SHTN1: variants seen among roughly 807,000 people sequenced by gnomAD.
SHTN1 encodes the protein shootin 1, also known as shootin-1.
Under a neutral mutation model 83.1 loss-of-function variants are expected in SHTN1, and 42 were observed. That is an observed-to-expected ratio of 0.51 (90% CI 0.39 to 0.65). The LOEUF is 0.65. SHTN1 is among the 30% of genes least tolerant of loss of function. The probability of loss-of-function intolerance (pLI) is 0.00; values close to 1 mark genes in which losing one functional copy is unlikely to be tolerated. For missense variants in SHTN1, 622 were observed against 737.8 expected (o/e 0.84, Z 1.82); for synonymous variants, 224 against 247.7 (o/e 0.90, Z 0.90).
intron 2 of SHTN1, among the ~76,000 whole-genome samples, chr10:117,041,785 G>A (rs1852587828): frequency 6.6e-6 from 1 of 152,218 alleles, no homozygotes; most frequent in South Asian, 2.1e-4. Flanking sequence ...GTATTTTAAA[G>A]ATTATACAGA....
intron 2 of SHTN1, among the ~76,000 whole-genome samples, chr10:116,975,836 T>C (rs181010583): frequency 5.9e-5 from 9 of 152,316 alleles, no homozygotes; most frequent in Non-Finnish European, 1.2e-4. Context: ...CAAACACATG[T>C]GAATGTTTTG....
At chr10:117,075,356 T>C (rs1853137136) in intron 1 of SHTN1, among the ~76,000 whole-genome samples, 1 of 152,218 alleles carries the variant, frequency 6.6e-6, no homozygotes, top group South Asian at 2.1e-4. Flanking sequence ...GCATTTGAGA[T>C]GGTAAAAGCC....
intron 2 of SHTN1, among the ~76,000 whole-genome samples, chr10:116,978,134 C>A (rs1425558166): frequency 2.0e-5 from 3 of 152,088 alleles, no homozygotes; most frequent in Non-Finnish European, 2.9e-5. Flanking sequence ...ATCTAAAAAT[C>A]CCTTATAATC....
At chr10:117,066,035 A>G (rs1239650947) in intron 1 of SHTN1, among the ~76,000 whole-genome samples, 1 of 152,000 alleles carries the variant, frequency 6.6e-6, no homozygotes, top group Non-Finnish European at 1.5e-5. Flanking sequence ...ACTGCACTCC[A>G]GCCTGGGCAA....
At position 116,884,403 on chromosome 10, in the gene SHTN1, A is replaced by G; in HGVS notation, c.*1941T>C. 2.6e-6 allele frequency: 1 copy of G among 382,394 alleles called. No homozygotes were observed. The highest frequency in any genetic ancestry group is 5.3e-6 in the Non-Finnish European group (1 of 187,302). 23.7% of individuals were successfully genotyped at this position (382,394 alleles called of 1,614,324 possible). On this transcript the variant is annotated 3_prime_UTR_variant, in exon 17 of 17. Coordinates refer to ENST00000355371, the MANE Select transcript of SHTN1 (RefSeq NM_001127211.3). Reference sequence around the variant, plus strand: ...AATGCTTTGTAATCACAGTGAGAGAAAGTAAGCAGCTTAAAAAAGGCAGGA... The same window carrying G: ...AATGCTTTGTAATCACAGTGAGAGAGAGTAAGCAGCTTAAAAAAGGCAGGA...
At chr10:117,086,417 T>C (rs1589926818) in intron 1 of SHTN1, among the ~76,000 whole-genome samples, 1 of 152,354 alleles carries the variant, frequency 6.6e-6, no homozygotes, top group African/African-American at 2.4e-5. Flanking sequence ...GTCTTTTCAT[T>C]GATGTATTAG....
chr10:116,914,308 C>T (rs1332256720), intron 13 of SHTN1, among the ~76,000 whole-genome samples: 1 of 152,002 alleles, frequency 6.6e-6, no homozygotes, highest in African/African-American at 2.4e-5. Flanking sequence ...CCTGTCTTTA[C>T]TAAAAATACA....
intron 8 of SHTN1, among the ~76,000 whole-genome samples, chr10:116,943,250 G>C (rs907307193): frequency 1.3e-5 from 2 of 152,124 alleles, no homozygotes; most frequent in African/African-American, 4.8e-5. Context: ...ATTCATTTTT[G>C]TCTTCTTACT....
chr10:117,007,609 G>C (rs568904945), upstream of SHTN1, among the ~76,000 whole-genome samples: 16 of 144,514 alleles, frequency 1.1e-4, no homozygotes, highest in Non-Finnish European at 2.0e-4. Flanking sequence ...GCATTCACTT[G>C]AGGACATGGT....
intron 10 of SHTN1, 132 bp from the exon 11 acceptor site, chr10:116,928,023 A>G (rs1024614660): frequency 1.4e-5 from 14 of 968,118 alleles, no homozygotes; most frequent in Admixed American, 5.2e-5. Flanking sequence ...AAATTTCAAT[A>G]TGAAATTACA....
At chr10:116,973,020 T>C (rs1278262580) in intron 2 of SHTN1, among the ~76,000 whole-genome samples, 1 of 152,180 alleles carries the variant, frequency 6.6e-6, no homozygotes, top group Non-Finnish European at 1.5e-5. Flanking sequence ...GACTGATTTG[T>C]AGAGAAACAG....
chr10:117,033,026 G>C (rs1283030327), intron 2 of SHTN1, among the ~76,000 whole-genome samples: 3 of 152,072 alleles, frequency 2.0e-5, no homozygotes, highest in Non-Finnish European at 4.4e-5. Flanking sequence ...AAACCTATGG[G>C]ACAGAGCAAA....
rs951894294 is a variant in SHTN1, at chr10:116,891,059, T to C, written c.1674-4493A>G. Among the ~76,000 whole-genome samples the C allele has an allele frequency of 9.8e-5, 15 of 152,346 alleles. No homozygotes were observed. The South Asian group carries it at 1.2e-3, about 13-fold the overall frequency. Reference sequence around the variant, plus strand: ...CTAATAGACGTGGTTCTGAGCTCAATTGAATACAATCAAAGCTCATGAAAT... The same window carrying C: ...CTAATAGACGTGGTTCTGAGCTCAACTGAATACAATCAAAGCTCATGAAAT... On this transcript the variant is annotated intron_variant, in intron 16 of 16. Coordinates refer to ENST00000355371, the MANE Select transcript of SHTN1 (RefSeq NM_001127211.3).
chr10:116,978,253 T>C (rs982366422), intron 2 of SHTN1, among the ~76,000 whole-genome samples: 2 of 152,186 alleles, frequency 1.3e-5, no homozygotes, highest in East Asian at 1.9e-4. Context: ...GCCCAATAAG[T>C]GATCCCAAAT....
chr10:117,026,977 G>A (rs1362158613), intron 2 of SHTN1, among the ~76,000 whole-genome samples: 1 of 152,246 alleles, frequency 6.6e-6, no homozygotes, highest in Non-Finnish European at 1.5e-5. Flanking sequence ...TCCCAATGAT[G>A]TTGGCTACAA....
At chr10:116,990,000 C>T (rs1299345596) in intron 1 of SHTN1, among the ~76,000 whole-genome samples, 3 of 152,082 alleles carry the variant, frequency 2.0e-5, no homozygotes, top group Admixed American at 6.6e-5. Context: ...CCTGGGAGAA[C>T]AGAACAGGCA....
intron 13 of SHTN1, among the ~76,000 whole-genome samples, chr10:116,913,301 C>T (rs138822705): frequency 6.6e-6 from 1 of 152,320 alleles, no homozygotes; most frequent in Non-Finnish European, 1.5e-5. Flanking sequence ...CAGGAAAGCC[C>T]TGATGGTACT....
intron 1 of SHTN1, among the ~76,000 whole-genome samples, chr10:117,068,532 G>A (rs1898353): frequency 0.66 from 100,464 of 151,434 alleles, 36,580 homozygotes; most frequent in Middle Eastern, 0.84. Context: ...AAGGGGAGGT[G>A]AGGAGAGCTG....
At chr10:116,888,561 A>T (rs1429946986) in intron 16 of SHTN1, among the ~76,000 whole-genome samples, 1 of 152,156 alleles carries the variant, frequency 6.6e-6, no homozygotes, top group Non-Finnish European at 1.5e-5. Context: ...TCTCTCTCTC[A>T]CAAGCACCAA....
Sources: gnomAD v4.1 joint callset for allele counts (sites outside exome capture counted in the v4.1 genomes callset) on GRCh38, gnomAD v4.1.1 for gene constraint, MANE v1.5 for transcripts, NCBI Gene and HGNC (gene_info 2026-07-23, HGNC 2026-07-21) for gene names.